The following SGCZ variants were observed in gnomAD, a reference collection of about 807,000 sequenced individuals.
SGCZ encodes zeta-sarcoglycan.
SGCZ carries 40 observed loss-of-function variants against 41.3 expected under a neutral mutation model. That is an observed-to-expected ratio of 0.97 (90% confidence interval 0.75 to 1.26). The LOEUF (loss-of-function observed/expected upper bound fraction) is 1.26. Ranked by LOEUF, SGCZ falls within the 50% of genes most tolerant of loss-of-function variation. The pLI is 0.00. For synonymous variants in SGCZ, 206 were observed against 137.5 expected (o/e 1.50, Z -3.49); for missense variants, 552 against 369.8 (o/e 1.49, Z -4.04).
At chr8:15,033,542 A>G (rs1418489732) in intron 1 of SGCZ, among the ~76,000 whole-genome samples, 1 of 152,016 alleles carries the variant, frequency 6.6e-6, no homozygotes, top group African/African-American at 2.4e-5. Flanking sequence ...CCACTAGAGA[A>G]TGAAGTTCCA....
chr8:14,527,077 A>G (rs1011782549), intron 2 of SGCZ, among the ~76,000 whole-genome samples: 2 of 152,076 alleles, frequency 1.3e-5, no homozygotes, highest in Admixed American at 6.6e-5. Flanking sequence ...CCTCACTAGC[A>G]TGTGTATGAA....
At chr8:14,577,186 T>A (rs1804736748) in intron 1 of SGCZ, among the ~76,000 whole-genome samples, 1 of 152,180 alleles carries the variant, frequency 6.6e-6, no homozygotes, top group Admixed American at 6.5e-5. Flanking sequence ...CATTGTGTTA[T>A]GTGGACTTAG....
At chr8:14,621,920 A>T (rs1806300158) in intron 1 of SGCZ, among the ~76,000 whole-genome samples, 1 of 151,970 alleles carries the variant, frequency 6.6e-6, no homozygotes, top group East Asian at 1.9e-4. Context: ...AATAAGTAGG[A>T]TCTCTCCCCA....
At chr8:14,298,640 G>T (rs572975114) in intron 3 of SGCZ, among the ~76,000 whole-genome samples, 34 of 151,954 alleles carry the variant, frequency 2.2e-4, no homozygotes, top group African/African-American at 7.5e-4. Context: ...ATATAAGCAG[G>T]ATCTGTTCAT....
intron 5 of SGCZ, among the ~76,000 whole-genome samples, chr8:14,145,105 T>C (rs1012299350): frequency 3.9e-5 from 6 of 152,178 alleles, no homozygotes; most frequent in African/African-American, 1.4e-4. Flanking sequence ...TGCCAATGGC[T>C]GAGAGATACA....
At chr8:15,237,308 C>A (rs1288035004) in intron 1 of SGCZ, among the ~76,000 whole-genome samples, 2 of 152,144 alleles carry the variant, frequency 1.3e-5, no homozygotes, top group African/African-American at 4.8e-5. Flanking sequence ...CCAAATGCTG[C>A]CGTCACGGAC....
intron 2 of SGCZ, among the ~76,000 whole-genome samples, chr8:14,439,291 A>G (rs1445246070): frequency 1.4e-5 from 2 of 143,310 alleles, no homozygotes; most frequent in Non-Finnish European, 3.1e-5. Context: ...TTGATTAAAG[A>G]AAATATATAG....
intron 1 of SGCZ, among the ~76,000 whole-genome samples, chr8:15,164,236 A>T (rs1163441293): frequency 6.6e-6 from 1 of 152,162 alleles, no homozygotes; most frequent in African/African-American, 2.4e-5. Context: ...GGTGAGTGAA[A>T]TGGGGACTCA....
At chr8:14,333,664 C>T (rs897547894) in intron 2 of SGCZ, among the ~76,000 whole-genome samples, 1 of 152,068 alleles carries the variant, frequency 6.6e-6, no homozygotes, top group African/African-American at 2.4e-5. Context: ...ACAGAGGTCT[C>T]CTAACATTTT....
At chr8:14,152,251 G>A (rs2116954315) in intron 5 of SGCZ, among the ~76,000 whole-genome samples, 1 of 152,066 alleles carries the variant, frequency 6.6e-6, no homozygotes, top group East Asian at 1.9e-4. Flanking sequence ...AACTCACAAA[G>A]AATTCAATTA....
At chr8:14,761,737 T>G (rs187565214) in intron 1 of SGCZ, among the ~76,000 whole-genome samples, 1 of 151,928 alleles carries the variant, frequency 6.6e-6, no homozygotes, top group Admixed American at 6.6e-5. Flanking sequence ...TGTTGGCCAG[T>G]ATAGTACAAA....
intron 1 of SGCZ, among the ~76,000 whole-genome samples, chr8:15,195,725 C>G (rs929316521): frequency 3.9e-5 from 6 of 152,212 alleles, no homozygotes; most frequent in African/African-American, 1.4e-4. Flanking sequence ...AATACTCGGT[C>G]TTACGACAAC....
chr8:14,939,556 CTT>C (rs763048153), intron 1 of SGCZ, among the ~76,000 whole-genome samples: 3 of 152,104 alleles, frequency 2.0e-5, no homozygotes, highest in African/African-American at 7.2e-5. Flanking sequence ...AGCAACAAAA[CTT>C]AGCACAGTCG....
At chr8:15,227,880 G>A (rs575285404) in intron 1 of SGCZ, among the ~76,000 whole-genome samples, 2 of 152,282 alleles carry the variant, frequency 1.3e-5, no homozygotes, top group East Asian at 3.9e-4. Context: ...CATGTTCACA[G>A]ATAATTTTCA....
intron 4 of SGCZ, among the ~76,000 whole-genome samples, chr8:14,166,346 T>A (rs983829975): frequency 1.3e-5 from 2 of 152,198 alleles, no homozygotes; most frequent in African/African-American, 4.8e-5. Flanking sequence ...CAGCTTGTAT[T>A]CATTTGAGTG....
chr8:14,228,512 A>G (rs867693723), intron 4 of SGCZ, among the ~76,000 whole-genome samples: 8 of 152,144 alleles, frequency 5.3e-5, no homozygotes, highest in Non-Finnish European at 1.2e-4. Flanking sequence ...ATAAACTTAT[A>G]TAATTATCAA....
At chr8:14,384,381 C>A (rs139739736) in intron 2 of SGCZ, among the ~76,000 whole-genome samples, 1 of 151,764 alleles carries the variant, frequency 6.6e-6, no homozygotes, top group Non-Finnish European at 1.5e-5. Flanking sequence ...TGTCGACCAA[C>A]GATAGACTGG....
chr8:14,894,626 G>T (rs1290960443), intron 1 of SGCZ, among the ~76,000 whole-genome samples: 2 of 152,076 alleles, frequency 1.3e-5, no homozygotes, highest in Non-Finnish European at 1.5e-5. Flanking sequence ...AGAAATAATT[G>T]ATCTCACTGG....
intron 1 of SGCZ, among the ~76,000 whole-genome samples, chr8:15,192,686 A>G (rs1444073698): frequency 6.6e-6 from 1 of 152,048 alleles, no homozygotes; most frequent in South Asian, 2.1e-4. Flanking sequence ...CTTCACAACC[A>G]TCAAGTTCTA....
Sources: allele counts gnomAD v4.1 joint callset (sites outside exome capture counted in the v4.1 genomes callset), GRCh38; gene constraint gnomAD v4.1.1; transcripts MANE v1.5; gene names NCBI Gene and HGNC (gene_info 2026-07-23, HGNC 2026-07-21).